GET1: variants seen among roughly 807,000 people sequenced by gnomAD.
GET1 encodes the protein guided entry of tail-anchored proteins factor 1.
Under a neutral mutation model 22.6 loss-of-function variants are expected in GET1, and 20 were observed. The observed-to-expected ratio is 0.89, with a 90% confidence interval of 0.62 to 1.29. The LOEUF (loss-of-function observed/expected upper bound fraction) is 1.29. Ranked by LOEUF, GET1 falls within the 50% of genes most tolerant of loss-of-function variation. The pLI is 0.00. For missense variants in GET1, 209 were observed against 219.9 expected, an observed-to-expected ratio of 0.95 and a Z score of 0.31; for synonymous variants, 92 against 83.8, an observed-to-expected ratio of 1.10 and a Z score of -0.53.
intron 2 of GET1, 80 bp downstream of exon 2, chr21:39,390,943 A>G (rs2038259355): frequency 2.0e-6 from 3 of 1,492,548 alleles, no homozygotes; most frequent in South Asian, 1.3e-5. Context: ...AGTAGAATAC[A>G]TACTTTGCTT....
downstream of GET1, among the ~76,000 whole-genome samples, chr21:39,398,611 G>GTT (rs111949013): frequency 2.0e-4 from 25 of 127,760 alleles, no homozygotes; most frequent in Admixed American, 3.2e-4. Flanking sequence ...AAATTATACA[G>GTT]TTTTTTTTTT....
At chr21:39,380,515 C>T in intron 1 of GET1, 29 bp downstream of exon 1, 2 of 1,594,176 alleles carry the variant, frequency 1.3e-6, no homozygotes, top group Non-Finnish European at 1.7e-6. Context: ...TCCCAAGGGC[C>T]GGTGGGGATG....
chr21:39,405,975 G>T (rs758817274), exon 5 of GET1: 1 of 1,614,116 alleles, frequency 6.2e-7, no homozygotes, highest in Non-Finnish European at 8.5e-7. Context: ...CATGGCTGGT[G>T]GAGGCCTGAC....
In GET1 at chr21:39,380,438, G is replaced by A. The variant is rs1016344281; in HGVS notation, c.54G>A (p.Val18=). The change falls in exon 1 of 5, where the codon GTG becomes GTA. Residue 18 remains valine (V), a synonymous_variant. Coordinates refer to ENST00000649170, the MANE Select transcript of GET1 (RefSeq NM_004627.6). ...CGTGGTTGCTGGTGCTCAGCTTCGT[G>A]TTTGGATGCAATGTTCTTAGGATCC... The part of the protein sequence containing the change: ...HWAWLLVLSF[V]FGCNVLRILL... 25 of 1,613,184 alleles carry A rather than the reference G, an allele frequency of 1.5e-5. No individual in the cohort carries two copies. The highest frequency in any genetic ancestry group is 2.1e-5 in the Non-Finnish European group (25 of 1,179,718).
chr21:39,427,596 A>G (rs573997355), intron 1 of GET1, among the ~76,000 whole-genome samples: 80 of 150,970 alleles, frequency 5.3e-4, no homozygotes, highest in Non-Finnish European at 7.8e-4. Flanking sequence ...CGGGAGGCAG[A>G]GCTTGCAGTG....
At chr21:39,414,797 T>G (rs2040850020) in intron 1 of GET1, among the ~76,000 whole-genome samples, 1 of 151,524 alleles carries the variant, frequency 6.6e-6, no homozygotes, top group Non-Finnish European at 1.5e-5. Flanking sequence ...TATTTTACTT[T>G]GTGATTGTCT....
At chr21:39,404,294 T>C (rs557933234) in intron 4 of GET1, among the ~76,000 whole-genome samples, 2 of 152,218 alleles carry the variant, frequency 1.3e-5, no homozygotes, top group African/African-American at 4.8e-5. Context: ...TACTGTTTTA[T>C]GGTTTTTAGA....
At position 39,393,269 on chromosome 21, in the gene GET1, C is replaced by G. The variant is rs2038425711; in HGVS notation, c.440C>G (p.Thr147Ser). The part of the protein sequence containing the change: ...TPLDRLVAFP[T>S]RVAGGVGITC... ...CTAGACCGCCTGGTAGCCTTTCCTA[C>G]TAGAGTAGCAGGTAAGAATTTTCTG... Residue 147 changes from threonine to serine, a missense_variant, in exon 4 of 5, where the codon ACT becomes AGT. Thr to Ser is a moderately conservative substitution (Grantham distance 58). Coordinates refer to ENST00000649170, the MANE Select transcript of GET1 (RefSeq NM_004627.6). The G allele has an allele frequency of 6.2e-7, 1 of 1,613,768 alleles. No homozygotes were observed. Among genetic ancestry groups the G allele is most frequent in the Non-Finnish European group, 8.5e-7 (1 of 1,179,784 alleles).
intron 2 of GET1, chr21:39,391,337 G>A (rs1459665583): frequency 1.2e-5 from 3 of 254,664 alleles, no homozygotes; most frequent in Non-Finnish European, 2.3e-5. Context: ...CGGTCACAGT[G>A]TGTGCACAGT....
intron 1 of GET1, chr21:39,420,730 T>C (rs1344789585): frequency 6.2e-7 from 1 of 1,612,554 alleles, no homozygotes; most frequent in Middle Eastern, 1.6e-4. Flanking sequence ...GAAGGTGTTT[T>C]ACTTCCACCT....
Position 39,397,809 on chromosome 21 carries a change from T to G in GET1, c.*870T>G, listed in dbSNP as rs1238693569. The G allele has an allele frequency of 6.6e-6, 1 of 152,228 alleles. No homozygotes were observed. Among genetic ancestry groups the G allele is most frequent in the Non-Finnish European group, 1.5e-5 (1 of 68,040 alleles). The allele number at this position is 152,228 out of a possible 1,614,324, so 9.4% of individuals were successfully genotyped here. A position where few individuals can be genotyped will look rare whatever the true frequency, so the allele number is the denominator to read the frequency against. On this transcript the variant is annotated 3_prime_UTR_variant, in exon 5 of 5. Coordinates refer to ENST00000649170, the MANE Select transcript of GET1 (RefSeq NM_004627.6). ...TGTAACTTCCTGCCTTACAGCTACT[T>G]GTTTGCTGTGAGCCACCCGCAACTG...
At chr21:39,400,978 A>T (rs1410651227), downstream of GET1, among the ~76,000 whole-genome samples, 3 of 151,234 alleles carry the variant, frequency 2.0e-5, no homozygotes, top group Non-Finnish European at 4.4e-5. Flanking sequence ...TGACATGATC[A>T]TAGCTCACTA....
chr21:39,403,584 A>T (rs2038898931), intron 4 of GET1, among the ~76,000 whole-genome samples: 1 of 150,378 alleles, frequency 6.6e-6, no homozygotes, highest in Non-Finnish European at 1.5e-5. Context: ...GGCCTCCCAA[A>T]GTGCTGGGGT....
downstream of GET1, among the ~76,000 whole-genome samples, chr21:39,399,964 G>T (rs1328017635): frequency 6.7e-6 from 1 of 149,470 alleles, no homozygotes; most frequent in East Asian, 2.0e-4. Flanking sequence ...GCCCAGGCTG[G>T]TCTCAAACTC....
chr21:39,406,710 G>A, downstream of GET1: 3 of 892,330 alleles, frequency 3.4e-6, no homozygotes, highest in South Asian at 1.8e-5. Flanking sequence ...CGCCTCACAA[G>A]CACACTGAAA....
At chr21:39,391,698 T>G (rs1479255487) in intron 2 of GET1, 71 bp from the exon 3 acceptor site, 2 of 1,398,076 alleles carry the variant, frequency 1.4e-6, no homozygotes, top group African/African-American at 1.4e-5. Flanking sequence ...GAAAATAACA[T>G]TTCTGTGTAT....
chr21:39,386,045 T>G (rs1478038009), intron 1 of GET1: 1 of 152,262 alleles, frequency 6.6e-6, no homozygotes, highest in Non-Finnish European at 1.5e-5. Flanking sequence ...AGGCCCTTCC[T>G]CTCAATCCGA....
At chr21:39,416,765 C>T (rs2041244611) in intron 1 of GET1, among the ~76,000 whole-genome samples, 1 of 152,140 alleles carries the variant, frequency 6.6e-6, no homozygotes, top group Non-Finnish European at 1.5e-5. Context: ...AAAACAACAA[C>T]ATCAACATCA....
intron 1 of GET1, among the ~76,000 whole-genome samples, chr21:39,424,077 A>G (rs768269330): frequency 1.3e-4 from 20 of 152,042 alleles, no homozygotes; most frequent in Admixed American, 2.6e-4. Flanking sequence ...TAGTGGTGCA[A>G]CCTTGGCTCA....
Sources: gnomAD v4.1 joint callset for allele counts (sites outside exome capture counted in the v4.1 genomes callset) on GRCh38, gnomAD v4.1.1 for gene constraint, MANE v1.5 for transcripts, NCBI Gene and HGNC (gene_info 2026-07-23, HGNC 2026-07-21) for gene names.